Variants in PPP1R9A observed in about 807,000 individuals in gnomAD.
PPP1R9A encodes protein phosphatase 1 regulatory subunit 9A, also known as neurabin-1.
A neutral mutation model predicts 141.9 loss-of-function variants in PPP1R9A; 59 were observed. The ratio of observed to expected loss-of-function variants is 0.42; its 90% confidence interval spans 0.34 to 0.52. The LOEUF (loss-of-function observed/expected upper bound fraction) is 0.52, where lower values mean the gene tolerates loss of function less well. Among genes scored for constraint, PPP1R9A ranks in the 20% least tolerant of loss-of-function variants. PPP1R9A has a pLI of 0.10. For missense variants in PPP1R9A, 1,444 were observed against 1,611.9 expected, an observed-to-expected ratio of 0.90 and a Z score of 1.78; for synonymous variants, 500 against 569.7, an observed-to-expected ratio of 0.88 and a Z score of 1.74.
chr7:95,275,839 G>A (rs1179487523), intron 16 of PPP1R9A, among the ~76,000 whole-genome samples: 1 of 152,158 alleles, frequency 6.6e-6, no homozygotes. Flanking sequence ...GAGATGAGGA[G>A]AGAGAATTCC....
chr7:95,239,866 T>C (rs975246787), intron 8 of PPP1R9A, among the ~76,000 whole-genome samples: 2 of 150,176 alleles, frequency 1.3e-5, no homozygotes, highest in Admixed American at 6.7e-5. Context: ...GAATGTTTCA[T>C]ATGGAAGATT....
chr7:95,197,104 A>G (rs1836400241), intron 5 of PPP1R9A, among the ~76,000 whole-genome samples: 1 of 152,144 alleles, frequency 6.6e-6, no homozygotes, highest in Admixed American at 6.5e-5. Flanking sequence ...CCTTTAGTGT[A>G]TTGTGCAGAA....
At chr7:95,226,190 A>G in intron 8 of PPP1R9A, 74 bp downstream of exon 8, 9 of 1,389,882 alleles carry the variant, frequency 6.5e-6, no homozygotes, top group Admixed American at 2.1e-5. Context: ...TTCAAATAAT[A>G]TATTAAGAAT....
At position 95,267,511 on chromosome 7, in the gene PPP1R9A, T is replaced by C. The variant is rs149853960; in HGVS notation, c.2666-1039T>C. 8.8e-3 allele frequency among the ~76,000 whole-genome samples: 1,338 copies of C among 152,204 alleles called. 14 individuals are homozygous for C. Among genetic ancestry groups the C allele is most frequent in the Non-Finnish European group, 9.8e-3 (668 of 67,978 alleles). On this transcript the variant is annotated intron_variant, in intron 12 of 19. Coordinates refer to ENST00000433360, the MANE Select transcript of PPP1R9A (RefSeq NM_001166160.2). Reference sequence around the variant, plus strand: ...AGAGAGTACTTTTCCTTAACCAATATCCAGGTATGTTAATGGGTACCTTTC... The same window carrying C: ...AGAGAGTACTTTTCCTTAACCAATACCCAGGTATGTTAATGGGTACCTTTC...
At chr7:95,278,389 G>T (rs946604199) in intron 16 of PPP1R9A, among the ~76,000 whole-genome samples, 6 of 151,864 alleles carry the variant, frequency 4.0e-5, no homozygotes, top group African/African-American at 1.5e-4. Context: ...TAATATTTTG[G>T]GTTTGGAGGG....
intron 8 of PPP1R9A, among the ~76,000 whole-genome samples, chr7:95,235,561 A>G (rs1438688701): frequency 6.6e-6 from 1 of 152,222 alleles, no homozygotes; most frequent in Non-Finnish European, 1.5e-5. Flanking sequence ...AACAACTTTT[A>G]CACTGTTGGT....
At chr7:95,009,041 T>G (rs1464715144) in intron 2 of PPP1R9A, among the ~76,000 whole-genome samples, 1 of 152,030 alleles carries the variant, frequency 6.6e-6, no homozygotes, top group Non-Finnish European at 1.5e-5. Flanking sequence ...CTCAGCAAAC[T>G]ATCGCAAGGA....
At chr7:95,236,121 T>TC (rs1216043689) in intron 8 of PPP1R9A, among the ~76,000 whole-genome samples, 1 of 152,110 alleles carries the variant, frequency 6.6e-6, no homozygotes, top group African/African-American at 2.4e-5. Context: ...CACCACCTGT[T>TC]CCCCAAAAAC....
chr7:95,264,028 G>A (rs2153037014), intron 12 of PPP1R9A, among the ~76,000 whole-genome samples: 1 of 152,246 alleles, frequency 6.6e-6, no homozygotes, highest in East Asian at 1.9e-4. Context: ...CCAATTTAAT[G>A]GGACAGCCGC....
chr7:94,909,381 T>C (rs994238805), intron 1 of PPP1R9A, among the ~76,000 whole-genome samples: 2 of 152,186 alleles, frequency 1.3e-5, no homozygotes, highest in African/African-American at 2.4e-5. Context: ...GATGAGAACA[T>C]TGGACCAAAA....
chr7:95,242,040 C>A (rs975374586), intron 8 of PPP1R9A, among the ~76,000 whole-genome samples: 1 of 152,120 alleles, frequency 6.6e-6, no homozygotes, highest in Non-Finnish European at 1.5e-5. Context: ...ATTGTTCAGT[C>A]AGCCAGTTTT....
chr7:95,113,227 A>G (rs929254200), intron 3 of PPP1R9A, among the ~76,000 whole-genome samples: 3 of 152,204 alleles, frequency 2.0e-5, no homozygotes, highest in Non-Finnish European at 2.9e-5. Context: ...GAGATATTCC[A>G]AAAAGAATTC....
At chr7:95,234,254 A>G (rs916499435) in intron 8 of PPP1R9A, among the ~76,000 whole-genome samples, 11 of 152,188 alleles carry the variant, frequency 7.2e-5, no homozygotes, top group African/African-American at 2.2e-4. Flanking sequence ...TTTGCTGTTG[A>G]TATGATTGTA....
intron 5 of PPP1R9A, among the ~76,000 whole-genome samples, chr7:95,185,437 C>T (rs1349916652): frequency 6.6e-6 from 1 of 151,314 alleles, no homozygotes; most frequent in Non-Finnish European, 1.5e-5. Context: ...AGTCCTGTGT[C>T]GGATGTATAG....
At chr7:95,122,413 C>T (rs1023931997) in intron 4 of PPP1R9A, among the ~76,000 whole-genome samples, 1 of 152,168 alleles carries the variant, frequency 6.6e-6, no homozygotes, top group African/African-American at 2.4e-5. Context: ...TCCCAAAGTG[C>T]TAGGATTACG....
intron 3 of PPP1R9A, among the ~76,000 whole-genome samples, chr7:95,118,687 C>T (rs1022666176): frequency 1.3e-5 from 2 of 151,718 alleles, no homozygotes; most frequent in African/African-American, 4.8e-5. Context: ...TTACAAGAAT[C>T]CTGGCCAGGC....
At chr7:95,054,969 T>C (rs1005655916) in intron 2 of PPP1R9A, among the ~76,000 whole-genome samples, 2 of 152,210 alleles carry the variant, frequency 1.3e-5, no homozygotes, top group African/African-American at 4.8e-5. Context: ...ACGTGATCAA[T>C]TCCTGATGAA....
intron 2 of PPP1R9A, among the ~76,000 whole-genome samples, chr7:94,978,271 G>C (rs1407765444): frequency 6.6e-6 from 1 of 152,190 alleles, no homozygotes; most frequent in African/African-American, 2.4e-5. Context: ...GTTTACCTGA[G>C]ATTGAATTGT....
chr7:95,035,269 A>G (rs770888986), intron 2 of PPP1R9A, among the ~76,000 whole-genome samples: 5 of 152,200 alleles, frequency 3.3e-5, no homozygotes, highest in African/African-American at 4.8e-5. Context: ...TATTTTTCCT[A>G]TAGTAAAGAG....
Sources: allele counts gnomAD v4.1 joint callset (sites outside exome capture counted in the v4.1 genomes callset), GRCh38; gene constraint gnomAD v4.1.1; transcripts MANE v1.5; gene names NCBI Gene and HGNC (gene_info 2026-07-23, HGNC 2026-07-21).